Variants in SCPEP1 observed in about 807,000 individuals in gnomAD.
The protein encoded by SCPEP1 is retinoid-inducible serine carboxypeptidase.
SCPEP1 carries 51 observed loss-of-function variants against 63.8 expected under a neutral mutation model. The observed-to-expected ratio is 0.80, with a 90% CI of 0.64 to 1.01. The LOEUF (loss-of-function observed/expected upper bound fraction) is 1.01. SCPEP1 is among the 50% of genes least tolerant of loss of function. The probability of loss-of-function intolerance (pLI) is 0.00; values close to 1 mark genes in which losing one functional copy is unlikely to be tolerated. For synonymous variants in SCPEP1, 204 were observed against 207.8 expected, an observed-to-expected ratio of 0.98 and a Z score of 0.16; for missense variants, 499 against 554.9, an observed-to-expected ratio of 0.90 and a Z score of 1.01.
In SCPEP1 at chr17:56,990,679, G is replaced by A. The variant is rs80276474; in HGVS notation, c.547-420G>A. On this transcript the variant is annotated intron_variant, in intron 5 of 12. Transcript: ENST00000262288. Reference sequence around the variant, plus strand: ...ATCTTGCTGTGTTGCCCAGACTAGAGGCTGGAGTACAGTAGCATGATCATG... The same window carrying A: ...ATCTTGCTGTGTTGCCCAGACTAGAAGCTGGAGTACAGTAGCATGATCATG... 8.9e-3 allele frequency among the ~76,000 whole-genome samples: 1,355 copies of A among 152,206 alleles called. 12 individuals are homozygous for A. The highest frequency in any genetic ancestry group is 0.014 in the Non-Finnish European group (931 of 68,014).
rs140957167 is a variant in SCPEP1 at position 56,994,988 on chromosome 17, G to A, written c.627G>A (p.Val209=). 32 of 1,613,386 alleles carry A rather than the reference G, an allele frequency of 2.0e-5. No individual in the cohort carries two copies. The highest frequency in any genetic ancestry group is 2.6e-5 in the Non-Finnish European group (31 of 1,179,368). The change falls in exon 7 of 13, where the codon GTG becomes GTA. Residue 209 remains valine (V), a synonymous_variant. Coordinates refer to ENST00000262288, the MANE Select transcript of SCPEP1 (RefSeq NM_021626.3). The part of the protein sequence containing the change: ...GDSWISPVDS[V]LSWGPYLYSM... ...ATATGTGATTTCCTTTAGATTCGGT[G>A]CTCTCCTGGGGACCTTACCTGTACA...
chr17:56,987,489 G>A (rs565427056), intron 3 of SCPEP1: 16 of 393,750 alleles, frequency 4.1e-5, no homozygotes, highest in East Asian at 3.6e-4. Flanking sequence ...TTGCGGCGGC[G>A]GGGGCGGTTG....
chr17:57,001,656 A>T (rs1024807753), intron 11 of SCPEP1, among the ~76,000 whole-genome samples: 1 of 100,998 alleles, frequency 9.9e-6, no homozygotes, highest in Non-Finnish European at 2.3e-5. Context: ...TGAACATCCC[A>T]GGTGATCCTT....
At chr17:56,979,042 T>C (rs1037858099) in intron 1 of SCPEP1, among the ~76,000 whole-genome samples, 1 of 152,242 alleles carries the variant, frequency 6.6e-6, no homozygotes, top group Non-Finnish European at 1.5e-5. Flanking sequence ...TTATCTGTTA[T>C]TGTCAAGGAC....
chr17:56,991,001 G>A, intron 5 of SCPEP1, 98 bp from the exon 6 acceptor site: 1 of 897,260 alleles, frequency 1.1e-6, no homozygotes. Context: ...TGTATTCCTA[G>A]GCTCAAGCGA....
intron 3 of SCPEP1, among the ~76,000 whole-genome samples, chr17:56,986,252 C>T (rs1430831916): frequency 2.6e-5 from 4 of 151,764 alleles, no homozygotes; most frequent in Non-Finnish European, 5.9e-5. Context: ...TGGAATGTCC[C>T]TCCGTCACCA....
At chr17:56,990,129 C>T (rs535804291) in intron 5 of SCPEP1, among the ~76,000 whole-genome samples, 2 of 152,156 alleles carry the variant, frequency 1.3e-5, no homozygotes, top group East Asian at 3.9e-4. Context: ...AGTTGTGGAA[C>T]GATATGAGAT....
chr17:56,995,529 T>C lies in SCPEP1; in HGVS notation c.680T>C (p.Leu227Pro), dbSNP rs1911520776. ...CAGTCTCTTCTCGAAGACAAAGGTC[T>C]GGCAGAGGTGTCTAAGGTTGCAGAG... ...YSMSLLEDKG[L>P]AEVSKVAEQV... Residue 227 changes from leucine (L) to proline (P), a missense_variant, in exon 8 of 13, where the codon CTG (leucine) becomes CCG (proline). Coordinates refer to ENST00000262288, the MANE Select transcript of SCPEP1 (RefSeq NM_021626.3). 6.2e-7 allele frequency: 1 copy of C among 1,613,754 alleles called. No individual in the cohort carries two copies. Among genetic ancestry groups the C allele is most frequent in the Non-Finnish European group, 8.5e-7 (1 of 1,179,868 alleles).
In SCPEP1 at chr17:56,998,497, A is replaced by T. The variant is rs1309640094; in HGVS notation, c.993A>T (p.Gly331=). ...LKIIPEDQSW[G]GQATNVFVNM... is the part of the protein sequence containing the mutation. ...TTATTCCTGAGGATCAATCCTGGGG[A>T]GGTACTTATATGACCTAATTAAGTG... The change falls in exon 10 of 13, where the codon GGA becomes GGT. Residue 331 remains glycine, a splice_region_variant and synonymous_variant. Transcript: ENST00000262288. The T allele has an allele frequency of 1.2e-6, 2 of 1,608,866 alleles. No homozygotes were observed. Among genetic ancestry groups the T allele is most frequent in the African/African-American group, 2.7e-5 (2 of 74,800 alleles).
chr17:57,006,340 C>G lies in SCPEP1; in HGVS notation c.*105C>G. ...CATTCTTCCCTGTATCTAACTGGGG[C>G]TGTGATCAAGAAGGTTCTGACCAGC... On this transcript the variant is annotated 3_prime_UTR_variant, in exon 13 of 13. Transcript: ENST00000262288. The G allele has an allele frequency of 1.3e-6, 1 of 762,514 alleles. No individual in the cohort carries two copies. The highest frequency in any genetic ancestry group is 2.0e-6 in the Non-Finnish European group (1 of 493,226). 47.2% of individuals were successfully genotyped at this position (762,514 alleles called of 1,614,324 possible). A position where few individuals can be genotyped will look rare whatever the true frequency, so the allele number is the denominator to read the frequency against.
At position 56,998,390 on chromosome 17, in the gene SCPEP1, CT is replaced by C. The variant is rs777974203; in HGVS notation, c.889del (p.Cys297ValfsTer5). ...LEFTQSHLVC[L>X]CQRHVRHLQR... ...ATCTACCAGTTTGGTTTTAGTTTGT[CT>C]TTGTCAGCGCCACGTGAGACACCTA... On this transcript the variant is annotated frameshift_variant, in exon 10 of 13. Coordinates refer to ENST00000262288, the MANE Select transcript of SCPEP1 (RefSeq NM_021626.3). LOFTEE classifies it high-confidence loss of function. The C allele has an allele frequency of 2.2e-5, 36 of 1,609,456 alleles. No individual in the cohort carries two copies. The East Asian group carries it at 7.6e-4, about 34-fold the overall frequency.
intron 12 of SCPEP1, among the ~76,000 whole-genome samples, chr17:57,004,573 A>T (rs1020166925): frequency 6.6e-6 from 1 of 150,714 alleles, no homozygotes; most frequent in Non-Finnish European, 1.5e-5. Context: ...CAGATTTTTA[A>T]TTTTTTTTTT....
chr17:56,988,379 G>T, intron 5 of SCPEP1, 89 bp downstream of exon 5: 1 of 958,998 alleles, frequency 1.0e-6, no homozygotes, highest in Non-Finnish European at 1.6e-6. Flanking sequence ...AATATACTTT[G>T]AATAGGGCCA....
rs552318904 is a variant in SCPEP1, at chr17:56,982,481, T to TATG, written c.225+1254_225+1256dup. Among the ~76,000 whole-genome samples, 39 of 152,314 alleles carry TATG rather than the reference T, an allele frequency of 2.6e-4. 1 individual carries two copies. Among genetic ancestry groups the TATG allele is most frequent in the African/African-American group, 7.2e-4 (30 of 41,572 alleles). On this transcript the variant is annotated intron_variant, in intron 2 of 12. Coordinates refer to ENST00000262288, the MANE Select transcript of SCPEP1 (RefSeq NM_021626.3). ...GCTGAGGCTCAGCCCCAGGTGCGGT[T>TATG]ATGATAATGCAGAAAAAGAACCCTT...
At position 56,991,050 on chromosome 17, in the gene SCPEP1, C is replaced by A. The variant is rs192411617; in HGVS notation, c.547-49C>A. On this transcript the variant is annotated intron_variant, in intron 5 of 12. Transcript: ENST00000262288. The stretch of plus-strand genomic sequence containing the variant: ...GCTTCCCAAAGTGTTGGGATTACTG[C>A]GTGAGCCACTGCACCTGGCCTGAGG... The A allele has an allele frequency of 5.0e-4, 671 of 1,342,840 alleles. 3 individuals carry two copies. The African/African-American group carries it at 8.9e-3, about 18-fold the overall frequency. The allele number at this position is 1,342,840 out of a possible 1,614,324, so 83.2% of individuals were successfully genotyped here.
chr17:57,003,192 G>A (rs1206333924), intron 12 of SCPEP1, among the ~76,000 whole-genome samples: 1 of 152,162 alleles, frequency 6.6e-6, no homozygotes, highest in African/African-American at 2.4e-5. Flanking sequence ...AAGGTCCACA[G>A]GAGCCTCAGA....
At chr17:56,986,282 C>T (rs142016440) in intron 3 of SCPEP1, among the ~76,000 whole-genome samples, 1 of 151,746 alleles carries the variant, frequency 6.6e-6, no homozygotes, top group East Asian at 1.9e-4. Context: ...TGCAGTGGCA[C>T]GATCTCAGCT....
At chr17:56,996,908 A>G (rs1911582484) in intron 8 of SCPEP1, 54 bp from the exon 9 acceptor site, 7 of 1,221,898 alleles carry the variant, frequency 5.7e-6, no homozygotes, top group Non-Finnish European at 8.3e-6. Flanking sequence ...TCTGTTTGGC[A>G]GCTTTGATGA....
chr17:56,995,798 T>G (rs1911531513), intron 8 of SCPEP1, 163 bp downstream of exon 8: 1 of 656,998 alleles, frequency 1.5e-6, no homozygotes, highest in Admixed American at 4.1e-5. Flanking sequence ...AGCAGTGATG[T>G]AGTGGCTCCT....
Sources: allele counts gnomAD v4.1 joint callset (sites outside exome capture counted in the v4.1 genomes callset), GRCh38; gene constraint gnomAD v4.1.1; transcripts MANE v1.5; gene names NCBI Gene and HGNC (gene_info 2026-07-23, HGNC 2026-07-21).